OCA2: variants seen among roughly 807,000 people sequenced by gnomAD.
OCA2 encodes OCA2 melanosomal transmembrane protein, also known as P protein.
Under a neutral mutation model 100.2 loss-of-function variants are expected in OCA2, and 77 were observed. That is an observed-to-expected ratio of 0.77 (90% CI 0.64 to 0.93). The LOEUF is 0.93. Among genes scored for constraint, OCA2 ranks in the 40% least tolerant of loss-of-function variants. The pLI is 0.00. For missense variants in OCA2, 1,062 were observed against 1,089.1 expected (o/e 0.98, Z 0.35); for synonymous variants, 432 against 439.2 (o/e 0.98, Z 0.21).
At chr15:27,883,788 G>A (rs565479091) in intron 19 of OCA2, among the ~76,000 whole-genome samples, 26 of 152,256 alleles carry the variant, frequency 1.7e-4, no homozygotes, top group African/African-American at 4.6e-4. Context: ...TGCAGCCTGC[G>A]TTTCTGTGCT....
intron 2 of OCA2, among the ~76,000 whole-genome samples, chr15:28,034,577 A>G (rs56184885): frequency 0.1 from 15,528 of 152,094 alleles, 2,497 homozygotes; most frequent in African/African-American, 0.34. Flanking sequence ...GGAGTTCACA[A>G]CCAGCCTGGG....
chr15:28,030,485 T>G (rs2141368469), intron 3 of OCA2, among the ~76,000 whole-genome samples: 1 of 152,288 alleles, frequency 6.6e-6, no homozygotes, highest in African/African-American at 2.4e-5. Context: ...TTTCCTCTAG[T>G]CAAGGGCTTC....
intron 21 of OCA2, among the ~76,000 whole-genome samples, chr15:27,859,853 G>GA (rs2036069205): frequency 6.6e-6 from 1 of 151,750 alleles, no homozygotes. Flanking sequence ...CAGGGCTTGG[G>GA]AAAAAAGATG....
At chr15:27,927,104 A>G (rs1197980512) in intron 18 of OCA2, among the ~76,000 whole-genome samples, 1 of 152,190 alleles carries the variant, frequency 6.6e-6, no homozygotes, top group African/African-American at 2.4e-5. Flanking sequence ...ATCCTGACCA[A>G]CATGGAGAAA....
intron 23 of OCA2, among the ~76,000 whole-genome samples, chr15:27,770,988 T>G (rs2151039429): frequency 1.2e-5 from 1 of 82,612 alleles, no homozygotes; most frequent in East Asian, 5.2e-4. Context: ...TCCTTCTTTC[T>G]TCCTTCCCTT....
chr15:27,799,582 T>C (rs2033500911), intron 23 of OCA2, among the ~76,000 whole-genome samples: 1 of 151,838 alleles, frequency 6.6e-6, no homozygotes, highest in South Asian at 2.1e-4. Flanking sequence ...CCATCTCTAC[T>C]AAAAATACAA....
intron 5 of OCA2, 142 bp from the exon 6 acceptor site, chr15:28,022,715 T>C: frequency 1.4e-6 from 1 of 698,948 alleles, no homozygotes; most frequent in Non-Finnish European, 2.6e-6. Flanking sequence ...CTGAATAGCT[T>C]TGTCTTAAAT....
intron 23 of OCA2, among the ~76,000 whole-genome samples, chr15:27,801,581 G>T (rs1402936717): frequency 7.8e-6 from 1 of 128,802 alleles, no homozygotes; most frequent in African/African-American, 3.1e-5. Context: ...AAAAAAGAAG[G>T]ATAACAATAC....
intron 1 of OCA2, among the ~76,000 whole-genome samples, chr15:28,083,938 C>G (rs2044727311): frequency 6.6e-6 from 1 of 152,168 alleles, no homozygotes; most frequent in South Asian, 2.1e-4. Context: ...GAAGAACATG[C>G]CATTGGAATT....
intron 19 of OCA2, among the ~76,000 whole-genome samples, chr15:27,878,907 C>G (rs1328434871): frequency 2.6e-5 from 4 of 152,004 alleles, no homozygotes; most frequent in African/African-American, 9.7e-5. Flanking sequence ...AGGTTTATTA[C>G]ATAGGTAAAT....
intron 9 of OCA2, among the ~76,000 whole-genome samples, chr15:27,998,287 G>A (rs867139390): frequency 1.1e-5 from 1 of 88,374 alleles, no homozygotes; most frequent in Non-Finnish European, 3.8e-5. Context: ...GAAAATTTTT[G>A]CAACCTACTC....
At chr15:27,884,096 A>T (rs1342900990) in intron 19 of OCA2, among the ~76,000 whole-genome samples, 1 of 152,212 alleles carries the variant, frequency 6.6e-6, no homozygotes, top group African/African-American at 2.4e-5. Context: ...TAAAAATAAA[A>T]ATGTGCCAGG....
At chr15:27,997,116 G>A (rs1200939570) in intron 9 of OCA2, among the ~76,000 whole-genome samples, 108 of 77,552 alleles carry the variant, frequency 1.4e-3, no homozygotes, top group African/African-American at 3.2e-3. Flanking sequence ...GAAAAGAAAG[G>A]AAGGAAGGAA....
chr15:27,790,959 T>C (rs1392338020), intron 23 of OCA2, among the ~76,000 whole-genome samples: 1 of 148,472 alleles, frequency 6.7e-6, no homozygotes, highest in Non-Finnish European at 1.5e-5. Flanking sequence ...CAGCTAAGTT[T>C]TTCATTTTTT....
chr15:27,991,672 A>G (rs1433342278), intron 9 of OCA2, among the ~76,000 whole-genome samples: 4 of 152,138 alleles, frequency 2.6e-5, no homozygotes, highest in Non-Finnish European at 4.4e-5. Context: ...AAATAACTTA[A>G]TTGTACATTT....
intron 23 of OCA2, among the ~76,000 whole-genome samples, chr15:27,764,564 C>T (rs1471407186): frequency 1.3e-5 from 2 of 152,130 alleles, no homozygotes; most frequent in African/African-American, 4.8e-5. Context: ...GAGAAAACTC[C>T]ACTGGGACTG....
chr15:27,843,978 T>C (rs1302636516), intron 23 of OCA2, among the ~76,000 whole-genome samples: 1 of 152,202 alleles, frequency 6.6e-6, no homozygotes, highest in Non-Finnish European at 1.5e-5. Flanking sequence ...ATACACCCTG[T>C]GCAAATGTAC....
chr15:28,017,042 C>T (rs890618345), intron 7 of OCA2, among the ~76,000 whole-genome samples: 5 of 124,646 alleles, frequency 4.0e-5, no homozygotes, highest in Non-Finnish European at 6.7e-5. Context: ...GAGTGATCAC[C>T]TGGGGAGGCA....
At chr15:27,946,468 C>T (rs916611664) in intron 18 of OCA2, among the ~76,000 whole-genome samples, 2 of 152,180 alleles carry the variant, frequency 1.3e-5, no homozygotes, top group African/African-American at 2.4e-5. Flanking sequence ...AGGCAAACGC[C>T]GAGCTGTAAC....
Sources: gnomAD v4.1 joint callset for allele counts (sites outside exome capture counted in the v4.1 genomes callset) on GRCh38, gnomAD v4.1.1 for gene constraint, MANE v1.5 for transcripts, NCBI Gene and HGNC (gene_info 2026-07-23, HGNC 2026-07-21) for gene names.